Variants in CDK13 observed in about 807,000 individuals in gnomAD.
CDK13 encodes cyclin dependent kinase 13.
In CDK13, 40 loss-of-function variants were observed where a neutral mutation model predicts 137.6. The ratio of observed to expected loss-of-function variants is 0.29; its 90% CI spans 0.23 to 0.38. The LOEUF is 0.38. Ranked by LOEUF, CDK13 falls within the 10% of genes least tolerant of loss-of-function variation. The pLI, the probability that CDK13 is intolerant of heterozygous loss-of-function variation, is 1.00. For missense variants in CDK13, 1,704 were observed against 1,951.8 expected (o/e 0.87, Z 2.39); for synonymous variants, 869 against 760.1 (o/e 1.14, Z -2.36).
Position 40,054,117 on chromosome 7 carries a change from A to G in CDK13, c.2600+6240A>G, listed in dbSNP as rs565964119. 8.6e-4 allele frequency among the ~76,000 whole-genome samples: 131 copies of G among 152,310 alleles called. 1 individual carries two copies. The highest frequency in any genetic ancestry group is 3.1e-3 in the African/African-American group (128 of 41,576). On this transcript the variant is annotated intron_variant, in intron 7 of 13. Transcript: ENST00000181839. Reference sequence around the variant, plus strand: ...CTCTCAAGTCTGCTTTAGAGGTACCATTAGGCTGATGGCAATTTTTAGAGT... The same window carrying G: ...CTCTCAAGTCTGCTTTAGAGGTACCGTTAGGCTGATGGCAATTTTTAGAGT...
At chr7:40,015,326 C>T (rs532864296) in intron 5 of CDK13, among the ~76,000 whole-genome samples, 1 of 152,220 alleles carries the variant, frequency 6.6e-6, no homozygotes, top group African/African-American at 2.4e-5. Flanking sequence ...GTACATTTCC[C>T]ATGTCACTAT....
intron 5 of CDK13, among the ~76,000 whole-genome samples, chr7:40,027,266 C>A (rs1785263822): frequency 6.6e-6 from 1 of 152,092 alleles, no homozygotes; most frequent in African/African-American, 2.4e-5. Context: ...AGTCTCGAGC[C>A]CAGCAGGCGA....
At chr7:39,990,888 C>G (rs960540411) in intron 2 of CDK13, among the ~76,000 whole-genome samples, 1 of 152,098 alleles carries the variant, frequency 6.6e-6, no homozygotes, top group African/African-American at 2.4e-5. Context: ...GCTGGAAATA[C>G]TACAGATATT....
chr7:40,001,499 A>C (rs1784684025), intron 4 of CDK13, among the ~76,000 whole-genome samples: 1 of 152,028 alleles, frequency 6.6e-6, no homozygotes. Flanking sequence ...ACAGGTGTGA[A>C]CTACCACGCC....
At chr7:40,066,213 A>T (rs1312867826) in intron 9 of CDK13, among the ~76,000 whole-genome samples, 1 of 152,186 alleles carries the variant, frequency 6.6e-6, no homozygotes, top group Non-Finnish European at 1.5e-5. Flanking sequence ...TCCAAAATAA[A>T]AAACCAGCCC....
intron 1 of CDK13, among the ~76,000 whole-genome samples, chr7:39,980,323 G>T (rs763502259): frequency 6.6e-6 from 1 of 152,158 alleles, no homozygotes; most frequent in South Asian, 2.1e-4. Context: ...ATAATTTCAG[G>T]AACTGGTGAG....
At chr7:40,013,793 G>T (rs182120237) in intron 5 of CDK13, among the ~76,000 whole-genome samples, 1 of 151,848 alleles carries the variant, frequency 6.6e-6, no homozygotes, top group Admixed American at 6.6e-5. Context: ...GTTATTTAAG[G>T]AAAAAAACGA....
chr7:39,992,067 TTATACACACACACACA>T (rs1784465289), intron 2 of CDK13, among the ~76,000 whole-genome samples: 1 of 107,224 alleles, frequency 9.3e-6, no homozygotes, highest in Non-Finnish European at 1.9e-5. Flanking sequence ...AAGGAAAAAA[TTATACACACACACACA>T]CACACACACA....
chr7:39,977,853 A>T (rs1168386212), intron 1 of CDK13, among the ~76,000 whole-genome samples: 2 of 152,180 alleles, frequency 1.3e-5, no homozygotes, highest in Non-Finnish European at 2.9e-5. Context: ...AGAGCATGGA[A>T]AAATGGAGAG....
intron 1 of CDK13, among the ~76,000 whole-genome samples, chr7:39,961,782 C>G (rs191240686): frequency 3.2e-4 from 49 of 152,240 alleles, no homozygotes; most frequent in African/African-American, 1.2e-3. Context: ...GCTATCCCTC[C>G]TCCCTCCCCC....
intron 5 of CDK13, among the ~76,000 whole-genome samples, chr7:40,027,134 A>G (rs1018880332): frequency 3.9e-5 from 6 of 152,220 alleles, no homozygotes; most frequent in African/African-American, 1.4e-4. Flanking sequence ...GCTGGAGGTC[A>G]GGAGTTCGAG....
chr7:39,991,501 G>A (rs1784454766), intron 2 of CDK13, among the ~76,000 whole-genome samples: 1 of 151,780 alleles, frequency 6.6e-6, no homozygotes, highest in East Asian at 1.9e-4. Context: ...GTGTGTGTGT[G>A]TGTGTGTGTG....
chr7:39,992,912 G>A (rs1419257079), intron 2 of CDK13, among the ~76,000 whole-genome samples: 2 of 152,112 alleles, frequency 1.3e-5, no homozygotes, highest in African/African-American at 4.8e-5. Context: ...GTTGTTACAG[G>A]AGGACCAAAA....
At chr7:39,985,835 A>G (rs1784325360) in intron 1 of CDK13, 1 of 152,258 alleles carries the variant, frequency 6.6e-6, no homozygotes, top group Non-Finnish European at 1.5e-5. Context: ...CCAAAGGGCC[A>G]GGAAAAATAC....
rs1048548939 is a variant in CDK13, at chr7:40,098,982, T to C, written c.*4002T>C. On this transcript the variant is annotated 3_prime_UTR_variant, in exon 14 of 14. Coordinates refer to ENST00000181839, the MANE Select transcript of CDK13 (RefSeq NM_003718.5). ...GTATTTTTCATTTGTTGAAAGAAGA[T>C]TGGTTATCAGTAGGCTTGCAAACAT... The C allele has an allele frequency of 6.6e-6, 1 of 152,026 alleles. No homozygotes were observed. The highest frequency in any genetic ancestry group is 1.5e-5 in the Non-Finnish European group (1 of 67,964). 9.4% of individuals were successfully genotyped at this position (152,026 alleles called of 1,614,324 possible). A position where few individuals can be genotyped will look rare whatever the true frequency, so the allele number is the denominator to read the frequency against.
chr7:40,005,548 T>G (rs1273706725), intron 5 of CDK13, among the ~76,000 whole-genome samples: 2 of 152,134 alleles, frequency 1.3e-5, no homozygotes, highest in African/African-American at 2.4e-5. Context: ...CTGCCTGCCT[T>G]GGCCGCCCAA....
intron 11 of CDK13, among the ~76,000 whole-genome samples, chr7:40,083,870 TATA>T (rs950632577): frequency 6.6e-6 from 1 of 152,190 alleles, no homozygotes; most frequent in African/African-American, 2.4e-5. Context: ...AACAATATAA[TATA>T]ATATCTCTCA....
In CDK13 at chr7:39,950,900, C is replaced by G. The variant is rs1017399076; in HGVS notation, c.259C>G (p.Leu87Val). The change falls in exon 1 of 14, where the codon CTG becomes GTG. Residue 87 changes from leucine (L) to valine (V), a missense_variant. Around this residue, in one of 5 missense-constraint regions of CDK13, gnomAD observed 1,051 missense variants for 931.0 expected, o/e 1.13. Transcript: ENST00000181839. Reference protein sequence around the residue: ...SSSCFSPGPPLEVKRLARGKR... With the variant: ...SSSCFSPGPPVEVKRLARGKR... ...CTCTTGCTTCAGCCCGGGCCCCCCT[C>G]TGGAGGTCAAGCGGCTGGCGAGAGG... 7.5e-7 allele frequency: 1 copy of G among 1,340,574 alleles called. No individual in the cohort carries two copies. Among genetic ancestry groups the G allele is most frequent in the Non-Finnish European group, 9.5e-7 (1 of 1,054,874 alleles). The allele number at this position is 1,340,574 out of a possible 1,614,324, so 83.0% of individuals were successfully genotyped here. A position where few individuals can be genotyped will look rare whatever the true frequency, so the allele number is the denominator to read the frequency against.
chr7:40,044,468 A>G (rs995926965), intron 5 of CDK13, among the ~76,000 whole-genome samples: 1 of 150,302 alleles, frequency 6.7e-6, no homozygotes, highest in African/African-American at 2.5e-5. Context: ...AAGATAACAC[A>G]CCACCACGCC....
Sources: allele counts gnomAD v4.1 joint callset (sites outside exome capture counted in the v4.1 genomes callset), GRCh38; gene constraint gnomAD v4.1.1; regional missense constraint gnomAD v4.1.1; transcripts MANE v1.5; gene names NCBI Gene and HGNC (gene_info 2026-07-23, HGNC 2026-07-21).